The following UBE2B variants were observed in gnomAD, a reference collection of about 807,000 sequenced individuals.
UBE2B encodes the protein ubiquitin-conjugating enzyme E2 B.
UBE2B carries 11 observed loss-of-function variants against 24.6 expected under a neutral mutation model. The ratio of observed to expected loss-of-function variants is 0.45; its 90% CI spans 0.28 to 0.74. The LOEUF (loss-of-function observed/expected upper bound fraction) is 0.74, where lower values mean the gene tolerates loss of function less well. Ranked by LOEUF, UBE2B falls within the 30% of genes least tolerant of loss-of-function variation. The probability of loss-of-function intolerance (pLI) is 0.13; values close to 1 mark genes in which losing one functional copy is unlikely to be tolerated. For missense variants in UBE2B, 78 were observed against 185.6 expected (o/e 0.42, Z 3.37); for synonymous variants, 68 against 62.4 (o/e 1.09, Z -0.42).
intron 3 of UBE2B, among the ~76,000 whole-genome samples, chr5:134,379,646 CAA>C (rs1222816195): frequency 4.4e-4 from 33 of 75,216 alleles, no homozygotes; most frequent in African/African-American, 8.0e-4. Flanking sequence ...TCTGTCTCAA[CAA>C]AAAAAAAAAA....
chr5:134,377,625 G>A (rs1408905902), intron 3 of UBE2B, among the ~76,000 whole-genome samples: 1 of 152,162 alleles, frequency 6.6e-6, no homozygotes, highest in African/African-American at 2.4e-5. Flanking sequence ...GGGGGGGTAA[G>A]GAGTTGAAGG....
chr5:134,374,254 G>C, intron 1 of UBE2B, 129 bp from the exon 2 acceptor site: 1 of 833,658 alleles, frequency 1.2e-6, no homozygotes, highest in Non-Finnish European at 2.0e-6. Context: ...GTTCATTTTA[G>C]TTCACAATAA....
rs1206993709 is a variant in UBE2B at position 134,376,340 on chromosome 5, A to ATATATATATATATATATAT, written c.126-329_126-328insTATATATATATATATATAT. ...TCCGTCTCAAAAAAAAAAAAAAAAA[A>ATATATATATATATATATAT]AAAAAAAAATATATATATATATATA... On this transcript the variant is annotated intron_variant, in intron 2 of 5. Transcript: ENST00000265339. 7.3e-3 allele frequency among the ~76,000 whole-genome samples: 43 copies of ATATATATATATATATATAT among 5,910 alleles called. 3 individuals are homozygous for ATATATATATATATATATAT. Among genetic ancestry groups the ATATATATATATATATATAT allele is most frequent in the East Asian group, 0.017 (4 of 238 alleles). The allele number at this position is 5,910 out of a possible 152,430, so 3.9% of individuals were successfully genotyped here.
intron 2 of UBE2B, among the ~76,000 whole-genome samples, chr5:134,376,348 A>AAATATATATATATATATATAT (rs1554114145): frequency 2.1e-4 from 1 of 4,774 alleles, no homozygotes; most frequent in African/African-American, 4.4e-4. Flanking sequence ...AAAAAAAAAA[A>AAATATATATATATATATATAT]ATATATATAT....
intron 2 of UBE2B, among the ~76,000 whole-genome samples, chr5:134,376,362 T>TATAC (rs1554114156): frequency 1.1e-5 from 1 of 89,482 alleles, no homozygotes; most frequent in East Asian, 3.5e-4. Flanking sequence ...TATATATATA[T>TATAC]ATACACATAT....
chr5:134,371,599 T>C lies in UBE2B; in HGVS notation c.4T>C (p.Ser2Pro). 1 of 1,612,312 alleles carries C rather than the reference T, an allele frequency of 6.2e-7. No homozygotes were observed. The highest frequency in any genetic ancestry group is 8.5e-7 in the Non-Finnish European group (1 of 1,179,664). ...GACCGCGGGGCAGCTGCGGAGCATG[T>C]CGACCCCGGCCCGGAGGAGGCTCAT... is the stretch of plus-strand genomic sequence containing the variant. M[S>P]TPARRRLMRD... Residue 2 changes from serine (S) to proline (P), a missense_variant, in exon 1 of 6, where the codon TCG (serine) becomes CCG (proline). This residue lies in a region of UBE2B where 21 missense variants were observed against 17.9 expected (regional missense o/e 1.17). Transcript: ENST00000265339.
chr5:134,376,069 A>G lies in UBE2B; in HGVS notation c.126-600A>G, dbSNP rs1339000060. Among the ~76,000 whole-genome samples, 8 of 151,134 alleles carry G rather than the reference A, an allele frequency of 5.3e-5. No homozygotes were observed. In the East Asian group the frequency reaches 1.6e-3, roughly 30 times the overall value. On this transcript the variant is annotated intron_variant, in intron 2 of 5. Coordinates refer to ENST00000265339, the MANE Select transcript of UBE2B (RefSeq NM_003337.4). ...ACATATGGGCCAGGTGCGGTGGCTC[A>G]CGCCTCTAAATCCCAGCACTTTGGG...
rs796702530 is a variant in UBE2B, at chr5:134,378,928, C to CA, written c.152-1773dup. 6.4e-3 allele frequency among the ~76,000 whole-genome samples: 457 copies of CA among 71,622 alleles called. 4 individuals carry two copies. The highest frequency in any genetic ancestry group is 0.014 in the South Asian group (34 of 2,448). 47.0% of individuals were successfully genotyped at this position (71,622 alleles called of 152,430 possible). A position where few individuals can be genotyped will look rare whatever the true frequency, so the allele number is the denominator to read the frequency against. ...TGGACAACAGAGCAAGACTCCATCT[C>CA]AAAAAAAAAAAAAAAAAACAGTGGG... On this transcript the variant is annotated intron_variant, in intron 3 of 5. Coordinates refer to ENST00000265339, the MANE Select transcript of UBE2B (RefSeq NM_003337.4).
intron 4 of UBE2B, among the ~76,000 whole-genome samples, chr5:134,381,605 A>C (rs919904918): frequency 3.3e-5 from 5 of 152,084 alleles, no homozygotes; most frequent in African/African-American, 1.2e-4. Flanking sequence ...ACTCTTACAA[A>C]GCTTCCAAAT....
At chr5:134,374,964 A>T (rs1581319051) in intron 2 of UBE2B, among the ~76,000 whole-genome samples, 1 of 152,182 alleles carries the variant, frequency 6.6e-6, no homozygotes, top group Middle Eastern at 3.4e-3. Context: ...AAAAGGAAAA[A>T]GTTTCAGCAG....
chr5:134,379,704 T>C (rs997454305), intron 3 of UBE2B, among the ~76,000 whole-genome samples: 10 of 151,262 alleles, frequency 6.6e-5, no homozygotes, highest in Admixed American at 2.6e-4. Context: ...CAAGTACATA[T>C]TTGTGTGAGG....
intron 4 of UBE2B, among the ~76,000 whole-genome samples, chr5:134,384,000 T>G (rs778333889): frequency 4.6e-5 from 7 of 152,216 alleles, no homozygotes; most frequent in Non-Finnish European, 1.0e-4. Flanking sequence ...CTAATTCCTT[T>G]GTAATAAATT....
chr5:134,382,394 C>T (rs979483013), intron 4 of UBE2B, among the ~76,000 whole-genome samples: 2 of 151,848 alleles, frequency 1.3e-5, no homozygotes, highest in Non-Finnish European at 2.9e-5. Flanking sequence ...GTCAAGGCTG[C>T]AGTGAGCCAT....
intron 1 of UBE2B, among the ~76,000 whole-genome samples, chr5:134,373,964 T>C (rs1375440665): frequency 6.6e-6 from 1 of 152,202 alleles, no homozygotes; most frequent in African/African-American, 2.4e-5. Context: ...TGTGTCTTTA[T>C]AGCAGCATGA....
intron 1 of UBE2B, 148 bp downstream of exon 1, chr5:134,371,787 C>T (rs1474138368): frequency 3.3e-6 from 4 of 1,225,898 alleles, no homozygotes; most frequent in East Asian, 2.5e-5. Context: ...TAGCCTCGGC[C>T]CTACTCCCAT....
Position 134,390,097 on chromosome 5 carries a change from A to G in UBE2B, c.331-128A>G. The G allele has an allele frequency of 2.6e-6, 3 of 1,166,008 alleles. No homozygotes were observed. Among genetic ancestry groups the G allele is most frequent in the Non-Finnish European group, 3.7e-6 (3 of 807,684 alleles). 72.2% of individuals were successfully genotyped at this position (1,166,008 alleles called of 1,614,324 possible). On this transcript the variant is annotated intron_variant, in intron 5 of 5. Transcript: ENST00000265339. This position sits in a 1 kb window ranked among gnomAD's most constrained non-coding sequence, Gnocchi z 4.6. ...TCTAAAAGTATTTAGACCCAAAATT[A>G]TATGACATGTTAATCTCTGAAGTAA... is the stretch of plus-strand genomic sequence containing the variant.
intron 4 of UBE2B, among the ~76,000 whole-genome samples, chr5:134,382,542 G>C (rs1270652839): frequency 6.6e-6 from 1 of 152,206 alleles, no homozygotes; most frequent in Non-Finnish European, 1.5e-5. Flanking sequence ...GGAAGGCTGA[G>C]GAGGGTGGAT....
In UBE2B at chr5:134,380,788, C is replaced by A; in HGVS notation, c.221C>A (p.Ser74Tyr). Residue 74 changes from serine to tyrosine, a missense_variant, in exon 4 of 6, where the codon TCC (serine) becomes TAC (tyrosine). By Grantham distance (144) the Ser-to-Tyr change is moderately radical. This residue lies in a region of UBE2B where 57 missense variants were observed against 167.7 expected (regional missense o/e 0.34). Coordinates refer to ENST00000265339, the MANE Select transcript of UBE2B (RefSeq NM_003337.4). ...PNKPPTVRFL[S>Y]KMFHPNVYAD... Reference sequence around the variant, plus strand: ...AAACCACCAACTGTTAGGTTTTTATCCAAAATGTTTCATCCAAATGGTAAG... The same window carrying A: ...AAACCACCAACTGTTAGGTTTTTATACAAAATGTTTCATCCAAATGGTAAG... The A allele has an allele frequency of 6.3e-7, 1 of 1,594,492 alleles. No individual in the cohort carries two copies. Among genetic ancestry groups the A allele is most frequent in the Non-Finnish European group, 8.6e-7 (1 of 1,163,066 alleles).
chr5:134,376,952 A>C (rs1027322859), intron 3 of UBE2B, among the ~76,000 whole-genome samples: 20 of 152,168 alleles, frequency 1.3e-4, no homozygotes, highest in African/African-American at 4.8e-4. Context: ...TATGTTGAGA[A>C]TAGTTTAAAT....
Sources: gnomAD v4.1 joint callset for allele counts (sites outside exome capture counted in the v4.1 genomes callset) on GRCh38, gnomAD v4.1.1 for gene constraint, gnomAD v4.1.1 regional missense constraint, Gnocchi (gnomAD v3.1) non-coding constraint, MANE v1.5 for transcripts, NCBI Gene and HGNC (gene_info 2026-07-23, HGNC 2026-07-21) for gene names.